The following PPRC1 variants were observed in gnomAD, a reference collection of about 807,000 sequenced individuals.
The protein encoded by PPRC1 is peroxisome proliferator-activated receptor gamma coactivator-related protein 1.
A neutral mutation model predicts 132.5 loss-of-function variants in PPRC1; 23 were observed. That is an observed-to-expected ratio of 0.17 (90% CI 0.12 to 0.25). The LOEUF is 0.25. Ranked by LOEUF, PPRC1 falls within the 10% of genes least tolerant of loss-of-function variation. The pLI is 1.00. For missense variants in PPRC1, 2,006 were observed against 2,089.1 expected (o/e 0.96, Z 0.78); for synonymous variants, 872 against 833.5 (o/e 1.05, Z -0.80).
chr10:102,139,876 T>A lies in PPRC1; in HGVS notation c.1368T>A (p.Ala456=). The A allele has an allele frequency of 6.2e-7, 1 of 1,614,100 alleles. No homozygotes were observed. The highest frequency in any genetic ancestry group is 1.1e-5 in the South Asian group (1 of 91,086). The change falls in exon 5 of 14, where the codon GCT becomes GCA. Residue 456 remains alanine (A), a synonymous_variant. Coordinates refer to ENST00000278070, the MANE Select transcript of PPRC1 (RefSeq NM_015062.5). Reference sequence around the variant, plus strand: ...ATGCAGCACCAGGTTCCCAGAGAGCTCGAAAGGGCAGGAAGAAGAAGAGCA... The same window carrying A: ...ATGCAGCACCAGGTTCCCAGAGAGCACGAAAGGGCAGGAAGAAGAAGAGCA... ...PANAAPGSQR[A]RKGRKKKSKE...
Position 102,139,213 on chromosome 10 carries a change from C to T in PPRC1, c.705C>T (p.Gly235=). The change falls in exon 5 of 14, where the codon GGC becomes GGT. Residue 235 remains glycine (G), a synonymous_variant. Coordinates refer to ENST00000278070, the MANE Select transcript of PPRC1 (RefSeq NM_015062.5). ...WRPPRSRPRW[G]QSPPPQQRSD... Reference sequence around the variant, plus strand: ...CCCCAAGATCAAGACCACGCTGGGGCCAATCCCCACCTCCCCAGCAGCGCA... The same window carrying T: ...CCCCAAGATCAAGACCACGCTGGGGTCAATCCCCACCTCCCCAGCAGCGCA... 6.2e-7 allele frequency: 1 copy of T among 1,614,194 alleles called. No homozygotes were observed. The highest frequency in any genetic ancestry group is 1.1e-5 in the South Asian group (1 of 91,082).
rs747469993 is a variant in PPRC1 at position 102,139,188 on chromosome 10, C to G, written c.680C>G (p.Pro227Arg). ...TSSPKLPSWR[P>R]PRSRPRWGQS... ...TCCCCCAAGCTTCCTAGCTGGAGAC[C>G]CCCAAGATCAAGACCACGCTGGGGC... The change falls in exon 5 of 14, where the codon CCC becomes CGC. Residue 227 changes from proline (P) to arginine (R), a missense_variant. Around this residue, in one of 2 missense-constraint regions of PPRC1, gnomAD observed 1,914 missense variants for 1,917.2 expected, o/e 1.00. Coordinates refer to ENST00000278070, the MANE Select transcript of PPRC1 (RefSeq NM_015062.5). The G allele has an allele frequency of 6.2e-7, 1 of 1,614,148 alleles. No homozygotes were observed. Among genetic ancestry groups the G allele is most frequent in the East Asian group, 2.2e-5 (1 of 44,888 alleles).
At position 102,141,714 on chromosome 10, in the gene PPRC1, A is replaced by G. The variant is rs766215823; in HGVS notation, c.3206A>G (p.Lys1069Arg). 1.2e-6 allele frequency: 2 copies of G among 1,613,926 alleles called. No homozygotes were observed. Among genetic ancestry groups the G allele is most frequent in the Non-Finnish European group, 1.7e-6 (2 of 1,179,902 alleles). ...CCTGCATCTCCCCATCCGAAACACA[A>G]GGTGTCTGCCCTGGTGCAAAGTCCC... ...PVPASPHPKH[K>R]VSALVQSPQM... Residue 1069 changes from lysine to arginine, a missense_variant, in exon 5 of 14, where the codon AAG becomes AGG. By Grantham distance (26) the Lys-to-Arg change is conservative. Transcript: ENST00000278070.
chr10:102,142,964 AGAT>A (rs1436692510), intron 5 of PPRC1, 78 bp from the exon 6 acceptor site: 17 of 1,239,810 alleles, frequency 1.4e-5, no homozygotes, highest in Non-Finnish European at 4.7e-6. Flanking sequence ...GGGAGAAGTG[AGAT>A]GATTTGGGGG....
chr10:102,129,850 T>C (rs533467370), upstream of PPRC1, among the ~76,000 whole-genome samples: 26 of 152,166 alleles, frequency 1.7e-4, 1 homozygote, highest in African/African-American at 6.3e-4. Context: ...GTGATCCGCC[T>C]GCCTCGGCCT....
rs753159166 is a variant in PPRC1, at chr10:102,140,038, A to T, written c.1530A>T (p.Lys510Asn). 18 of 1,614,220 alleles carry T rather than the reference A, an allele frequency of 1.1e-5. No individual in the cohort carries two copies. Among genetic ancestry groups the T allele is most frequent in the Non-Finnish European group, 1.5e-5 (18 of 1,180,036 alleles). Reference sequence around the variant, plus strand: ...AACAGCCTCAGGAAGAACTTCAAAAAGAGTCTGGGCCTCTCCAGGGTAAGG... The same window carrying T: ...AACAGCCTCAGGAAGAACTTCAAAATGAGTCTGGGCCTCTCCAGGGTAAGG... ...LQKQPQEELQ[K>N]ESGPLQGKGK... is the part of the protein sequence containing the mutation. The change falls in exon 5 of 14, where the codon AAA (lysine) becomes AAT (asparagine). Residue 510 changes from lysine to asparagine, a missense_variant. By Grantham distance (94) the Lys-to-Asn change is moderately conservative. Around this residue, in one of 2 missense-constraint regions of PPRC1, gnomAD observed 1,914 missense variants for 1,917.2 expected, o/e 1.00. Coordinates refer to ENST00000278070, the MANE Select transcript of PPRC1 (RefSeq NM_015062.5).
In PPRC1 at chr10:102,140,827, G is replaced by A. The variant is rs199979829; in HGVS notation, c.2319G>A (p.Gln773=). Residue 773 remains glutamine, a synonymous_variant, in exon 5 of 14, where the codon CAG becomes CAA. Coordinates refer to ENST00000278070, the MANE Select transcript of PPRC1 (RefSeq NM_015062.5). ...CAGAAACAGAAGAGAGAAGTCCACA[G>A]CCCCCAACTGGGAAGTGGCCTAGCC... ...RQAETEERSP[Q]PPTGKWPSLP... 1.3e-5 allele frequency: 21 copies of A among 1,613,978 alleles called. No homozygotes were observed. Among genetic ancestry groups the A allele is most frequent in the African/African-American group, 4.0e-5 (3 of 74,998 alleles).
At chr10:102,135,036 T>G (rs2068670122) in intron 1 of PPRC1, among the ~76,000 whole-genome samples, 1 of 152,214 alleles carries the variant, frequency 6.6e-6, no homozygotes, top group African/African-American at 2.4e-5. Flanking sequence ...GACAAACTGG[T>G]AAACCACATA....
chr10:102,137,924 G>A lies in PPRC1; in HGVS notation c.228G>A (p.Lys76=). 1 of 1,614,180 alleles carries A rather than the reference G, an allele frequency of 6.2e-7. No individual in the cohort carries two copies. The highest frequency in any genetic ancestry group is 1.3e-5 in the African/African-American group (1 of 75,044). ...LSRLGPSLRD[K]DLEMEELMLQ... ...GGCTGGGCCCATCTCTGAGGGACAA[G>A]GACCTGGAAATGGAGGAGCTAATGC... The change falls in exon 2 of 14, where the codon AAG becomes AAA. Residue 76 remains lysine (K), a synonymous_variant. Transcript: ENST00000278070.
At chr10:102,120,832 G>C in the PPRC1 span, among the ~76,000 whole-genome samples, 1 of 152,222 alleles carries the variant, frequency 6.6e-6, no homozygotes, top group Non-Finnish European at 1.5e-5. Context: ...GCCGGGGTGG[G>C]CAGTGTGGTG....
At position 102,141,477 on chromosome 10, in the gene PPRC1, A is replaced by C; in HGVS notation, c.2969A>C (p.His990Pro). 2 of 1,613,584 alleles carry C rather than the reference A, an allele frequency of 1.2e-6. No individual in the cohort carries two copies. Among genetic ancestry groups the C allele is most frequent in the Non-Finnish European group, 1.7e-6 (2 of 1,179,910 alleles). Residue 990 changes from histidine (H) to proline (P), a missense_variant, in exon 5 of 14, where the codon CAT becomes CCT. His to Pro is a moderately conservative substitution (Grantham distance 77, BLOSUM62 -2). This residue lies in a region of PPRC1 where 1,914 missense variants were observed against 1,917.2 expected (regional missense o/e 1.00). Coordinates refer to ENST00000278070, the MANE Select transcript of PPRC1 (RefSeq NM_015062.5). ...GPLGWGPGPQHAPFWSTVPPP... is the reference protein window; with the variant it reads ...GPLGWGPGPQPAPFWSTVPPP... ...TTGGGATGGGGCCCAGGGCCTCAAC[A>C]TGCTCCATTCTGGTCTACTGTTCCC...
Position 102,140,267 on chromosome 10 carries a change from G to A in PPRC1, c.1759G>A (p.Val587Ile). The A allele has an allele frequency of 1.2e-6, 2 of 1,614,260 alleles. No individual in the cohort carries two copies. Residue 587 changes from valine to isoleucine, a missense_variant, in exon 5 of 14, where the codon GTT becomes ATT. Physicochemically the swap from Val to Ile is conservative, Grantham distance 29. Transcript: ENST00000278070. ...VDSAQASPMP[V>I]DSVEADPTAV... ...CTCTGCCCAAGCCAGCCCCATGCCA[G>A]TTGACTCTGTTGAAGCTGATCCCAC...
At chr10:102,130,928 C>T (rs530323577), upstream of PPRC1, among the ~76,000 whole-genome samples, 5 of 151,232 alleles carry the variant, frequency 3.3e-5, no homozygotes, top group Non-Finnish European at 7.4e-5. Flanking sequence ...CGTGGTGGCT[C>T]ACCCCTGTAA....
At chr10:102,144,441 C>T (rs2069130808) in intron 7 of PPRC1, 134 bp downstream of exon 7, 3 of 820,720 alleles carry the variant, frequency 3.7e-6, no homozygotes, top group East Asian at 2.6e-5. Context: ...TGTTTCCCCA[C>T]CCCTTACTCT....
intron 1 of PPRC1, among the ~76,000 whole-genome samples, chr10:102,135,816 G>A (rs1036923446): frequency 6.6e-6 from 1 of 152,216 alleles, no homozygotes; most frequent in African/African-American, 2.4e-5. Flanking sequence ...GGAGGGAGCA[G>A]GTTTGGTGGG....
chr10:102,132,996 A>T (rs932576351), upstream of PPRC1: 36 of 1,233,918 alleles, frequency 2.9e-5, no homozygotes, highest in South Asian at 1.3e-4. Flanking sequence ...CGGGAGTTGT[A>T]GTTCCTTTCC....
chr10:102,128,005 C>T (rs2068489912), upstream of PPRC1, among the ~76,000 whole-genome samples: 1 of 152,170 alleles, frequency 6.6e-6, no homozygotes, highest in Non-Finnish European at 1.5e-5. Flanking sequence ...AGATTTCTCA[C>T]AAGGTTGCAG....
chr10:102,141,057 A>G lies in PPRC1; in HGVS notation c.2549A>G (p.Gln850Arg). ...TCTCCCACTGAGCAGGTGCCATCCC[A>G]GGAGATGCCACTGTTGGCGAGACCT... The part of the protein sequence containing the change: ...ASSPTEQVPS[Q>R]EMPLLARPSP... The change falls in exon 5 of 14, where the codon CAG becomes CGG. Residue 850 changes from glutamine to arginine, a missense_variant. Gln to Arg is a conservative substitution (Grantham distance 43). Around this residue, in one of 2 missense-constraint regions of PPRC1, gnomAD observed 1,914 missense variants for 1,917.2 expected, o/e 1.00. Transcript: ENST00000278070. 1 of 1,614,134 alleles carries G rather than the reference A, an allele frequency of 6.2e-7. No individual in the cohort carries two copies. Among genetic ancestry groups the G allele is most frequent in the Non-Finnish European group, 8.5e-7 (1 of 1,180,002 alleles).
chr10:102,128,570 G>C (rs2068496705), upstream of PPRC1, among the ~76,000 whole-genome samples: 1 of 151,778 alleles, frequency 6.6e-6, no homozygotes, highest in African/African-American at 2.4e-5. Flanking sequence ...GAGACAGAGA[G>C]AGACAGAAAA....
Sources: allele counts gnomAD v4.1 joint callset (sites outside exome capture counted in the v4.1 genomes callset), GRCh38; gene constraint gnomAD v4.1.1; regional missense constraint gnomAD v4.1.1; transcripts MANE v1.5; gene names NCBI Gene and HGNC (gene_info 2026-07-23, HGNC 2026-07-21).